The following CDH12 variants were observed in gnomAD, a reference collection of about 807,000 sequenced individuals.
CDH12 encodes the protein cadherin 12.
CDH12 carries 41 observed loss-of-function variants against 74.1 expected under a neutral mutation model. The observed-to-expected ratio is 0.55, with a 90% CI of 0.43 to 0.72. The LOEUF (loss-of-function observed/expected upper bound fraction) is 0.72. CDH12 is among the 30% of genes least tolerant of loss of function. The pLI is 0.00. For missense variants in CDH12, 945 were observed against 977.2 expected (o/e 0.97, Z 0.44); for synonymous variants, 399 against 355.0 (o/e 1.12, Z -1.39).
rs574186754 is a variant in CDH12, at chr5:22,082,973, G to A, written c.-186-4111C>T. On this transcript the variant is annotated intron_variant, in intron 4 of 14. Transcript: ENST00000382254. Reference sequence around the variant, plus strand: ...TTCTTTTTTAAGAGTAGAATTTTATGTTTACTAGATATTTATTTAGCAATA... The same window carrying A: ...TTCTTTTTTAAGAGTAGAATTTTATATTTACTAGATATTTATTTAGCAATA... Among the ~76,000 whole-genome samples, 10 of 152,108 alleles carry A rather than the reference G, an allele frequency of 6.6e-5. No individual in the cohort carries two copies. In the South Asian group the frequency reaches 2.1e-3, roughly 32 times the overall value.
At chr5:22,159,869 C>G (rs1748225899) in intron 4 of CDH12, among the ~76,000 whole-genome samples, 1 of 152,226 alleles carries the variant, frequency 6.6e-6, no homozygotes, top group South Asian at 2.1e-4. Context: ...AAAGGCAGCT[C>G]TATATACTAG....
At chr5:22,556,338 T>C (rs1738803764) in intron 1 of CDH12, among the ~76,000 whole-genome samples, 1 of 152,072 alleles carries the variant, frequency 6.6e-6, no homozygotes, top group Admixed American at 6.6e-5. Flanking sequence ...ATAAAAATTG[T>C]GATACTTGTT....
At chr5:21,837,563 T>C (rs1314146017) in intron 8 of CDH12, among the ~76,000 whole-genome samples, 1 of 152,086 alleles carries the variant, frequency 6.6e-6, no homozygotes, top group Non-Finnish European at 1.5e-5. Flanking sequence ...GAATAGATTT[T>C]GTTGACTTCC....
At chr5:22,771,937 C>T (rs1021116362) in intron 1 of CDH12, among the ~76,000 whole-genome samples, 3 of 152,016 alleles carry the variant, frequency 2.0e-5, no homozygotes, top group Admixed American at 1.3e-4. Context: ...CACACGCACA[C>T]ATATATGTTC....
chr5:22,748,445 A>C (rs1216363984), intron 1 of CDH12, among the ~76,000 whole-genome samples: 1 of 152,166 alleles, frequency 6.6e-6, no homozygotes, highest in Non-Finnish European at 1.5e-5. Flanking sequence ...AAGGAAAAAA[A>C]AAAGATAAAG....
At chr5:22,800,734 A>G (rs958681752) in intron 1 of CDH12, among the ~76,000 whole-genome samples, 8 of 152,118 alleles carry the variant, frequency 5.3e-5, no homozygotes, top group African/African-American at 1.9e-4. Flanking sequence ...GCAACCACTG[A>G]ACTTTTTATT....
At chr5:22,057,909 A>G (rs1740854732) in intron 5 of CDH12, among the ~76,000 whole-genome samples, 1 of 152,132 alleles carries the variant, frequency 6.6e-6, no homozygotes, top group Non-Finnish European at 1.5e-5. Context: ...GTCGCTCAAA[A>G]GGTTTTAATC....
At chr5:22,347,409 CT>C (rs1200127479) in intron 3 of CDH12, among the ~76,000 whole-genome samples, 2 of 151,990 alleles carry the variant, frequency 1.3e-5, no homozygotes, top group Non-Finnish European at 2.9e-5. Context: ...AATTCTTCAG[CT>C]TTTGGGCTCT....
chr5:22,432,943 A>G (rs1415773683), intron 2 of CDH12, among the ~76,000 whole-genome samples: 1 of 152,090 alleles, frequency 6.6e-6, no homozygotes, highest in Non-Finnish European at 1.5e-5. Context: ...ATTCCTGAGC[A>G]CTGGAGTTAT....
chr5:22,095,603 C>A (rs942945289), intron 4 of CDH12, among the ~76,000 whole-genome samples: 2 of 151,842 alleles, frequency 1.3e-5, no homozygotes, highest in African/African-American at 4.8e-5. Context: ...GGCAAGAACC[C>A]CCCAATCCCT....
chr5:22,815,787 A>T (rs1313356142), intron 1 of CDH12, among the ~76,000 whole-genome samples: 39 of 145,362 alleles, frequency 2.7e-4, no homozygotes, highest in South Asian at 8.6e-4. Context: ...AAAAAAAAAT[A>T]AATAAATAAT....
At chr5:22,122,631 C>T (rs1439018242) in intron 4 of CDH12, among the ~76,000 whole-genome samples, 1 of 152,188 alleles carries the variant, frequency 6.6e-6, no homozygotes, top group Non-Finnish European at 1.5e-5. Context: ...AATGTAAGCA[C>T]CATGAGAGTC....
At chr5:22,487,043 C>T (rs1580698400) in intron 2 of CDH12, among the ~76,000 whole-genome samples, 1 of 150,114 alleles carries the variant, frequency 6.7e-6, no homozygotes. Flanking sequence ...ATACATACGG[C>T]TTTTTTTGTG....
At chr5:22,805,691 G>C (rs1307005003) in intron 1 of CDH12, among the ~76,000 whole-genome samples, 2 of 151,864 alleles carry the variant, frequency 1.3e-5, no homozygotes, top group Admixed American at 1.3e-4. Flanking sequence ...TAAGTTCTGG[G>C]GTACATGTGC....
chr5:22,561,177 C>T (rs1444914696), intron 1 of CDH12, among the ~76,000 whole-genome samples: 2 of 152,100 alleles, frequency 1.3e-5, no homozygotes, highest in Non-Finnish European at 2.9e-5. Context: ...TTCAAAGTGA[C>T]TTCAGTAAAG....
At chr5:22,102,453 G>C (rs1443968435) in intron 4 of CDH12, among the ~76,000 whole-genome samples, 2 of 152,132 alleles carry the variant, frequency 1.3e-5, no homozygotes, top group African/African-American at 4.8e-5. Flanking sequence ...TGGATCATCT[G>C]AGGTCAGGAG....
intron 1 of CDH12, among the ~76,000 whole-genome samples, chr5:22,683,751 T>C (rs992344158): frequency 1.3e-5 from 2 of 152,230 alleles, no homozygotes; most frequent in East Asian, 1.9e-4. Flanking sequence ...ATTTCAAGTA[T>C]GGAAAAAGGT....
intron 1 of CDH12, among the ~76,000 whole-genome samples, chr5:22,526,855 A>G (rs772424262): frequency 1.3e-5 from 2 of 152,102 alleles, no homozygotes; most frequent in Non-Finnish European, 2.9e-5. Context: ...CCCTCACACT[A>G]CAGGTCAGGG....
At chr5:22,575,987 G>T (rs778694858) in intron 1 of CDH12, among the ~76,000 whole-genome samples, 20 of 152,046 alleles carry the variant, frequency 1.3e-4, no homozygotes, top group Non-Finnish European at 2.5e-4. Flanking sequence ...GCCTCCCAAA[G>T]TGCTGGACAT....
Sources: allele counts gnomAD v4.1 joint callset (sites outside exome capture counted in the v4.1 genomes callset), GRCh38; gene constraint gnomAD v4.1.1; transcripts MANE v1.5; gene names NCBI Gene and HGNC (gene_info 2026-07-23, HGNC 2026-07-21).